The following MARCHF6 variants were observed in gnomAD, a reference collection of about 807,000 sequenced individuals.
The protein encoded by MARCHF6 is membrane associated ring-CH-type finger 6.
MARCHF6 carries 31 observed loss-of-function variants against 133.7 expected under a neutral mutation model. That is an observed-to-expected ratio of 0.23 (90% confidence interval 0.17 to 0.31). The LOEUF (loss-of-function observed/expected upper bound fraction) is 0.31. MARCHF6 is among the 10% of genes least tolerant of loss of function. The probability of loss-of-function intolerance (pLI) is 1.00; values close to 1 mark genes in which losing one functional copy is unlikely to be tolerated. For synonymous variants in MARCHF6, 395 were observed against 402.5 expected (o/e 0.98, Z 0.22); for missense variants, 723 against 1,121.6 (o/e 0.64, Z 5.08).
At chr5:10,409,707 A>G (rs1739109924) in intron 17 of MARCHF6, among the ~76,000 whole-genome samples, 2 of 152,300 alleles carry the variant, frequency 1.3e-5, no homozygotes, top group South Asian at 4.1e-4. Flanking sequence ...CAGAAACAGG[A>G]AGCCAGCTGG....
chr5:10,436,487 T>A lies in MARCHF6; in HGVS notation c.*2803T>A, dbSNP rs997378642. ...GCCCTTCTTCACATAAATTTTTTTT[T>A]AAATTATACTATTATTTTGCTTAAT... On this transcript the variant is annotated 3_prime_UTR_variant, in exon 26 of 26. Transcript: ENST00000274140. 1 of 152,168 alleles carries A rather than the reference T, an allele frequency of 6.6e-6. No individual in the cohort carries two copies. The highest frequency in any genetic ancestry group is 2.4e-5 in the African/African-American group (1 of 41,448). The allele number at this position is 152,168 out of a possible 1,614,324, so 9.4% of individuals were successfully genotyped here.
chr5:10,424,540 T>C (rs1172728701), intron 23 of MARCHF6, among the ~76,000 whole-genome samples: 1 of 152,238 alleles, frequency 6.6e-6, no homozygotes, highest in Non-Finnish European at 1.5e-5. Flanking sequence ...TGGCATATTG[T>C]GGTTTTCTAT....
rs1279800111 is a variant in MARCHF6 at position 10,402,379 on chromosome 5, T to C, written c.1054-5T>C. ...ACTCAGTTTTTCCTTGACCTGATGCTGTAGGGCTTGGCAACTCTTGTGAAA... is the reference window on the plus strand; with the variant it reads ...ACTCAGTTTTTCCTTGACCTGATGCCGTAGGGCTTGGCAACTCTTGTGAAA... On this transcript the variant is annotated splice_region_variant and splice_polypyrimidine_tract_variant and intron_variant, in intron 12 of 25. Coordinates refer to ENST00000274140, the MANE Select transcript of MARCHF6 (RefSeq NM_005885.4). 1.2e-6 allele frequency: 2 copies of C among 1,613,640 alleles called. No homozygotes were observed. Among genetic ancestry groups the C allele is most frequent in the African/African-American group, 1.3e-5 (1 of 75,048 alleles).
chr5:10,356,361 T>TATTTTATTTC (rs1735464329), intron 1 of MARCHF6, among the ~76,000 whole-genome samples: 1 of 131,714 alleles, frequency 7.6e-6, no homozygotes, highest in South Asian at 2.4e-4. Context: ...TATTTTATTT[T>TATTTTATTTC]ATTTTATTTT....
intron 1 of MARCHF6, among the ~76,000 whole-genome samples, chr5:10,365,256 C>A (rs982285082): frequency 2.6e-5 from 4 of 152,012 alleles, no homozygotes; most frequent in African/African-American, 9.7e-5. Flanking sequence ...ATCTGGTGAG[C>A]TAAAATAAGT....
intron 1 of MARCHF6, among the ~76,000 whole-genome samples, chr5:10,359,848 T>C (rs2126640194): frequency 6.6e-6 from 1 of 151,994 alleles, no homozygotes; most frequent in East Asian, 1.9e-4. Context: ...CTACTAAAAA[T>C]AGAAAAAATT....
At position 10,394,151 on chromosome 5, in the gene MARCHF6, C is replaced by CT; in HGVS notation, c.828+13dup. On this transcript the variant is annotated intron_variant, in intron 8 of 25. Transcript: ENST00000274140. ...GAGCTTACATGGGAAAGAGTAAGAC[C>CT]TTTTTCTGTCAAGTATCCTGGTGTT... The CT allele has an allele frequency of 6.5e-7, 1 of 1,535,648 alleles. No homozygotes were observed. Among genetic ancestry groups the CT allele is most frequent in the East Asian group, 2.4e-5 (1 of 42,470 alleles).
chr5:10,426,233 T>C (rs189277485), intron 23 of MARCHF6, among the ~76,000 whole-genome samples, 157 bp from the exon 24 acceptor site: 10 of 152,350 alleles, frequency 6.6e-5, no homozygotes, highest in Middle Eastern at 3.4e-3. Context: ...GTGGGCACTA[T>C]GCTTATGTTG....
chr5:10,393,611 A>G (rs1025797626), intron 7 of MARCHF6, among the ~76,000 whole-genome samples: 5 of 152,168 alleles, frequency 3.3e-5, no homozygotes, highest in Non-Finnish European at 4.4e-5. Context: ...CTTGCTCCAC[A>G]TAGTTCATAT....
chr5:10,415,628 C>T lies in MARCHF6; in HGVS notation c.2107C>T (p.Arg703Cys), dbSNP rs1450893491. The T allele has an allele frequency of 3.1e-6, 5 of 1,613,926 alleles. No individual in the cohort carries two copies. The highest frequency in any genetic ancestry group is 2.2e-5 in the East Asian group (1 of 44,882). ...TVMVAWMPQGRRVIFQKVKEW... is the reference protein window; with the variant it reads ...TVMVAWMPQGCRVIFQKVKEW... ...GATGGTGGCATGGATGCCTCAGGGA[C>T]GCAGAGTGATCTTCCAGAAGGTTAA... is the stretch of plus-strand genomic sequence containing the variant. Residue 703 changes from arginine (R) to cysteine (C), a missense_variant, in exon 21 of 26, where the codon CGC becomes TGC. Transcript: ENST00000274140.
At position 10,435,728 on chromosome 5, in the gene MARCHF6, T is replaced by G. The variant is rs1300152; in HGVS notation, c.*2044T>G. 3 of 80,162 alleles carry G rather than the reference T, an allele frequency of 3.7e-5. No individual in the cohort carries two copies. The highest frequency in any genetic ancestry group is 7.7e-5 in the Non-Finnish European group (3 of 39,056). The allele number at this position is 80,162 out of a possible 1,614,324, so 5.0% of individuals were successfully genotyped here. ...TTTTTTTTTTTTTTTTTTTTTTTTTTGCCCCCGAGACAGAGTCTTACTCTG... is the reference window on the plus strand; with the variant it reads ...TTTTTTTTTTTTTTTTTTTTTTTTTGGCCCCCGAGACAGAGTCTTACTCTG... On this transcript the variant is annotated 3_prime_UTR_variant, in exon 26 of 26. Coordinates refer to ENST00000274140, the MANE Select transcript of MARCHF6 (RefSeq NM_005885.4).
chr5:10,421,240 A>G lies in MARCHF6; in HGVS notation c.2284-2495A>G, dbSNP rs78539462. On this transcript the variant is annotated intron_variant, in intron 22 of 25. Coordinates refer to ENST00000274140, the MANE Select transcript of MARCHF6 (RefSeq NM_005885.4). Reference sequence around the variant, plus strand: ...TGAGCAAGGCTGTTTCTGCAAATACATCATTTTTTATAGCAAAAAATGAGA... The same window carrying G: ...TGAGCAAGGCTGTTTCTGCAAATACGTCATTTTTTATAGCAAAAAATGAGA... Among the ~76,000 whole-genome samples the G allele has an allele frequency of 4.7e-3, 709 of 152,332 alleles. 2 individuals carry two copies. The highest frequency in any genetic ancestry group is 0.017 in the African/African-American group (690 of 41,572).
chr5:10,378,127 C>T (rs1404310977), intron 2 of MARCHF6, among the ~76,000 whole-genome samples: 1 of 152,096 alleles, frequency 6.6e-6, no homozygotes, highest in Non-Finnish European at 1.5e-5. Context: ...TATCCTCTTC[C>T]AGGTACACGT....
chr5:10,374,252 G>A (rs1736637602), intron 1 of MARCHF6, among the ~76,000 whole-genome samples: 1 of 152,184 alleles, frequency 6.6e-6, no homozygotes, highest in Non-Finnish European at 1.5e-5. Flanking sequence ...AGGATCTATT[G>A]CAGGGCAAGC....
At chr5:10,357,509 A>G (rs950433964) in intron 1 of MARCHF6, among the ~76,000 whole-genome samples, 5 of 152,198 alleles carry the variant, frequency 3.3e-5, no homozygotes, top group Admixed American at 6.5e-5. Flanking sequence ...AAAGAGTATT[A>G]TGGTTGATCA....
At chr5:10,394,596 T>C (rs1738063117) in intron 8 of MARCHF6, among the ~76,000 whole-genome samples, 157 bp from the exon 9 acceptor site, 1 of 152,138 alleles carries the variant, frequency 6.6e-6, no homozygotes, top group Non-Finnish European at 1.5e-5. Flanking sequence ...ACAGAATTTT[T>C]TTTATTTTCT....
rs187061451 is a variant in MARCHF6, at chr5:10,439,862, C to T, written c.*6178C>T. ...GTGTTCACCCTGCTCCTGCCGTCCT[C>T]CCTGCCTCCAAAACAGGTCAGGCCT... On this transcript the variant is annotated 3_prime_UTR_variant, in exon 26 of 26. Coordinates refer to ENST00000274140, the MANE Select transcript of MARCHF6 (RefSeq NM_005885.4). 11 of 152,656 alleles carry T rather than the reference C, an allele frequency of 7.2e-5. No homozygotes were observed. Among genetic ancestry groups the T allele is most frequent in the African/African-American group, 2.6e-4 (11 of 41,592 alleles). The allele number at this position is 152,656 out of a possible 1,614,324, so 9.5% of individuals were successfully genotyped here. A position where few individuals can be genotyped will look rare whatever the true frequency, so the allele number is the denominator to read the frequency against.
intron 22 of MARCHF6, 135 bp from the exon 23 acceptor site, chr5:10,423,600 C>G: frequency 2.1e-6 from 1 of 476,428 alleles, no homozygotes; most frequent in South Asian, 6.1e-5. Context: ...GTACGTTAGT[C>G]TTTTGTAAAA....
At chr5:10,369,805 C>T (rs954440980) in intron 1 of MARCHF6, among the ~76,000 whole-genome samples, 1 of 151,982 alleles carries the variant, frequency 6.6e-6, no homozygotes, top group Non-Finnish European at 1.5e-5. Flanking sequence ...TCCACATCAT[C>T]GTTGCATGTA....
Sources: allele counts gnomAD v4.1 joint callset (sites outside exome capture counted in the v4.1 genomes callset), GRCh38; gene constraint gnomAD v4.1.1; transcripts MANE v1.5; gene names NCBI Gene and HGNC (gene_info 2026-07-23, HGNC 2026-07-21).